OR7G1: variants seen among roughly 807,000 people sequenced by gnomAD.
OR7G1 encodes olfactory receptor 7G1.
For synonymous variants in OR7G1, 142 were observed against 138.5 expected, an observed-to-expected ratio of 1.02 and a Z score of -0.18; for missense variants, 385 against 365.6, an observed-to-expected ratio of 1.05 and a Z score of -0.43.
In OR7G1 at chr19:9,115,413, G is replaced by A; in HGVS notation, c.351C>T (p.Val117=). The A allele has an allele frequency of 6.2e-7, 1 of 1,614,168 alleles. No homozygotes were observed. The highest frequency in any genetic ancestry group is 8.5e-7 in the Non-Finnish European group (1 of 1,180,026). ...FAGLESCFLA[V]MAYDRYVAIC... ...TGGCCACATAGCGGTCGTAGGCCAT[G>A]ACTGCAAGAAAGCAACTTTCCAAGC... Residue 117 remains valine (V), a synonymous_variant, in exon 1 of 1, where the codon GTC becomes GTT. Transcript: ENST00000541538.
Position 9,115,461 on chromosome 19 carries a change from G to T in OR7G1, c.303C>A (p.Ile101=). 1.2e-6 allele frequency: 2 copies of T among 1,614,148 alleles called. No homozygotes were observed. Among genetic ancestry groups the T allele is most frequent in the South Asian group, 2.2e-5 (2 of 91,068 alleles). ...SITYTGCLTQ[I]CLVLVFAGLE... ...AGCCAGCAAAAACCAAGACAAGACA[G>T]ATCTGGGTGAGGCAGCCTGTGTAAG... The change falls in exon 1 of 1, where the codon ATC becomes ATA. Residue 101 remains isoleucine, a synonymous_variant. Transcript: ENST00000541538.
In OR7G1 at chr19:9,114,926, C is replaced by T. The variant is rs1455092871; in HGVS notation, c.838G>A (p.Val280Met). 1 of 1,613,398 alleles carries T rather than the reference C, an allele frequency of 6.2e-7. No individual in the cohort carries two copies. Among genetic ancestry groups the T allele is most frequent in the Middle Eastern group, 1.6e-4 (1 of 6,062 alleles). The change falls in exon 1 of 1, where the codon GTG becomes ATG. Residue 280 changes from valine to methionine, a missense_variant. Transcript: ENST00000541538. ...ITAVASVMYTVVPQMMNPFIY... is the reference protein window; with the variant it reads ...ITAVASVMYTMVPQMMNPFIY... ...AAGGGGTTCATCATTTGAGGGACCA[C>T]AGTGTACATCACTGAAGCCACAGCA...
chr19:9,115,419 A>C lies in OR7G1; in HGVS notation c.345T>G (p.Leu115=). ...CATAGCGGTCGTAGGCCATGACTGCAAGAAAGCAACTTTCCAAGCCAGCAA... is the reference window on the plus strand; with the variant it reads ...CATAGCGGTCGTAGGCCATGACTGCCAGAAAGCAACTTTCCAAGCCAGCAA... ...LVFAGLESCF[L]AVMAYDRYVA... Residue 115 remains leucine (L), a synonymous_variant, in exon 1 of 1, where the codon CTT becomes CTG. Coordinates refer to ENST00000541538, the MANE Select transcript of OR7G1 (RefSeq NM_001005192.2). The C allele has an allele frequency of 6.2e-7, 1 of 1,614,214 alleles. No individual in the cohort carries two copies. The highest frequency in any genetic ancestry group is 8.5e-7 in the Non-Finnish European group (1 of 1,180,042).
At chr19:9,115,749 GTTTCTGGGTCCCATGT>G (rs932959145) in exon 1 of OR7G1, 5 of 1,532,490 alleles carry the variant, frequency 3.3e-6, no homozygotes, top group Non-Finnish European at 4.4e-6. Context: ...CAGCTGTTTG[GTTTCTGGGTCCCATGT>G]TTTTGATGAT....
Position 9,115,103 on chromosome 19 carries a change from T to C in OR7G1, c.661A>G (p.Ile221Val), listed in dbSNP as rs1392191094. Residue 221 changes from isoleucine to valine, a missense_variant, in exon 1 of 1, where the codon ATA (isoleucine) becomes GTA (valine). Ile to Val is a conservative substitution (Grantham distance 29). Transcript: ENST00000541538. ...GGCATTCTCAGAACAGAGGTGACTA[T>C]TTGAGAATAAGAGAAAATTATTCCA... ...LSGIIFSYSQ[I>V]VTSVLRMPSA... 1.5e-5 allele frequency: 24 copies of C among 1,614,126 alleles called. 1 individual carries two copies. The East Asian group carries it at 4.5e-4, about 30-fold the overall frequency.
Position 9,115,483 on chromosome 19 carries a change from TAA to T in OR7G1, c.279_280del (p.Tyr94HisfsTer79), listed in dbSNP as rs151211604. 9,753 of 1,614,184 alleles carry T rather than the reference TAA, an allele frequency of 6.0e-3. 279 individuals are homozygous for T. Among genetic ancestry groups the T allele is most frequent in the South Asian group, 0.056 (5,106 of 91,080 alleles). On this transcript the variant is annotated frameshift_variant, in exon 1 of 1. Coordinates refer to ENST00000541538, the MANE Select transcript of OR7G1 (RefSeq NM_001005192.2). LOFTEE classifies it low-confidence loss of function (END_TRUNC). ...ACAGATCTGGGTGAGGCAGCCTGTGTAAGTGATACTCTGATTCTGAGCTTGGA... is the reference window on the plus strand; with the variant it reads ...ACAGATCTGGGTGAGGCAGCCTGTGTGTGATACTCTGATTCTGAGCTTGGA...
rs763097735 is a variant in OR7G1, at chr19:9,114,994, C to G, written c.770G>C (p.Gly257Ala). 5 of 1,614,082 alleles carry G rather than the reference C, an allele frequency of 3.1e-6. No individual in the cohort carries two copies. In the South Asian group the frequency reaches 5.5e-5, roughly 18 times the overall value. ...AGCAACAGCAGAACTAATGTACACC[C>G]CAAAAGCTGTCCCATAGAACAAGGA... is the stretch of plus-strand genomic sequence containing the variant. ...VFSLFYGTAF[G>A]VYISSAVAES... The change falls in exon 1 of 1, where the codon GGG (glycine) becomes GCG (alanine). Residue 257 changes from glycine (G) to alanine (A), a missense_variant. Physicochemically the swap from Gly to Ala is moderately conservative, Grantham distance 60. Coordinates refer to ENST00000541538, the MANE Select transcript of OR7G1 (RefSeq NM_001005192.2).
Position 9,115,544 on chromosome 19 carries a change from T to A in OR7G1, c.220A>T (p.Thr74Ser), listed in dbSNP as rs1247386110. 4 of 1,614,102 alleles carry A rather than the reference T, an allele frequency of 2.5e-6. No homozygotes were observed. The highest frequency in any genetic ancestry group is 3.4e-6 in the Non-Finnish European group (4 of 1,180,002). The change falls in exon 1 of 1, where the codon ACC (threonine) becomes TCC (serine). Residue 74 changes from threonine to serine, a missense_variant. Coordinates refer to ENST00000541538, the MANE Select transcript of OR7G1 (RefSeq NM_001005192.2). ...FNLSFTDICL[T>S]TTTVPKILVN... ...AGGATCTTTGGGACTGTGGTTGTGG[T>A]TAAACAGATGTCAGTAAAGGAGAGA...
rs201358548 is a variant in OR7G1, at chr19:9,114,919, G to C, written c.845C>G (p.Pro282Arg). ...AVASVMYTVV[P>R]QMMNPFIYSL... ...GTAGATGAAGGGGTTCATCATTTGA[G>C]GGACCACAGTGTACATCACTGAAGC... Residue 282 changes from proline (P) to arginine (R), a missense_variant, in exon 1 of 1, where the codon CCT becomes CGT. By Grantham distance (103) the Pro-to-Arg change is moderately radical. Transcript: ENST00000541538. 4.3e-4 allele frequency: 694 copies of C among 1,613,266 alleles called. No homozygotes were observed. The highest frequency in any genetic ancestry group is 5.5e-4 in the Non-Finnish European group (653 of 1,179,410).
In OR7G1 at chr19:9,115,228, C is replaced by T; in HGVS notation, c.536G>A (p.Cys179Tyr). The change falls in exon 1 of 1, where the codon TGT (cysteine) becomes TAT (tyrosine). Residue 179 changes from cysteine to tyrosine, a missense_variant. By Grantham distance (194) the Cys-to-Tyr change is radical. Transcript: ENST00000541538. ...CKNVEIPLFF[C>Y]EVVQVIKLAC... ...GAGCTTGATGACCTGAACGACTTCA[C>T]AGAAGAACAAAGGGATTTCAACGTT... 6.2e-7 allele frequency: 1 copy of T among 1,614,088 alleles called. No individual in the cohort carries two copies. The highest frequency in any genetic ancestry group is 8.5e-7 in the Non-Finnish European group (1 of 1,180,018).
rs760240650 is a variant in OR7G1 at position 9,115,484 on chromosome 19, A to G, written c.280T>C (p.Tyr94His). 3.1e-6 allele frequency: 5 copies of G among 1,595,150 alleles called. No individual in the cohort carries two copies. Among genetic ancestry groups the G allele is most frequent in the Non-Finnish European group, 4.2e-6 (5 of 1,179,650 alleles). ...CAGATCTGGGTGAGGCAGCCTGTGT[A>G]AGTGATACTCTGATTCTGAGCTTGG... ...NIQAQNQSITYTGCLTQICLV... is the reference protein window; with the variant it reads ...NIQAQNQSITHTGCLTQICLV... The change falls in exon 1 of 1, where the codon TAC becomes CAC. Residue 94 changes from tyrosine (Y) to histidine (H), a missense_variant. By Grantham distance (83) the Tyr-to-His change is moderately conservative. Coordinates refer to ENST00000541538, the MANE Select transcript of OR7G1 (RefSeq NM_001005192.2).
In OR7G1 at chr19:9,115,665, G is replaced by T; in HGVS notation, c.99C>A (p.Ser33=). ...LKLIPFSLFL[S]MYLVTILGNL... ...TCCCCAGGATGGTGACCAGGTACATGGACAGGAACAGGCTGAAAGGGATTA... is the reference window on the plus strand; with the variant it reads ...TCCCCAGGATGGTGACCAGGTACATTGACAGGAACAGGCTGAAAGGGATTA... Residue 33 remains serine (S), a synonymous_variant, in exon 1 of 1, where the codon TCC becomes TCA. Coordinates refer to ENST00000541538, the MANE Select transcript of OR7G1 (RefSeq NM_001005192.2). The T allele has an allele frequency of 6.2e-7, 1 of 1,613,654 alleles. No individual in the cohort carries two copies. Among genetic ancestry groups the T allele is most frequent in the Non-Finnish European group, 8.5e-7 (1 of 1,179,724 alleles).
rs774552196 is a variant in OR7G1, at chr19:9,115,586, A to G, written c.178T>C (p.Tyr60His). Reference protein sequence around the residue: ...ISDSHLHTPMYFLLFNLSFTD... With the variant: ...ISDSHLHTPMHFLLFNLSFTD... ...AAGGAGAGATTAAAGAGAAGGAAGT[A>G]CATGGGGGTGTGGAGGTGGGAGTCA... Residue 60 changes from tyrosine (Y) to histidine (H), a missense_variant, in exon 1 of 1, where the codon TAC becomes CAC. Coordinates refer to ENST00000541538, the MANE Select transcript of OR7G1 (RefSeq NM_001005192.2). The G allele has an allele frequency of 1.2e-6, 2 of 1,614,180 alleles. No homozygotes were observed.
chr19:9,115,674 C>G lies in OR7G1; in HGVS notation c.90G>C (p.Leu30=). 6.2e-7 allele frequency: 1 copy of G among 1,613,340 alleles called. No individual in the cohort carries two copies. ...TGGTGACCAGGTACATGGACAGGAA[C>G]AGGCTGAAAGGGATTAACTTCAGTT... The part of the protein sequence containing the change: ...DPELKLIPFS[L]FLSMYLVTIL... The change falls in exon 1 of 1, where the codon CTG becomes CTC. Residue 30 remains leucine (L), a synonymous_variant. Transcript: ENST00000541538.
Position 9,115,155 on chromosome 19 carries a change from A to C in OR7G1, c.609T>G (p.Ser203Arg). The change falls in exon 1 of 1, where the codon AGT becomes AGG. Residue 203 changes from serine to arginine, a missense_variant. Coordinates refer to ENST00000541538, the MANE Select transcript of OR7G1 (RefSeq NM_001005192.2). ...LINNILIYFA[S>R]SVFGAIPLSG... is the part of the protein sequence containing the mutation. The stretch of plus-strand genomic sequence containing the variant: ...AGAGAGGAATTGCACCAAATACACT[A>C]CTTGCAAAATATATGAGGATGTTGT... The C allele has an allele frequency of 3.7e-6, 6 of 1,613,930 alleles. No homozygotes were observed. Among genetic ancestry groups the C allele is most frequent in the Non-Finnish European group, 5.1e-6 (6 of 1,179,782 alleles).
rs370041385 is a variant in OR7G1, at chr19:9,115,677, G to T, written c.87C>A (p.Ser29Arg). 90 of 1,611,376 alleles carry T rather than the reference G, an allele frequency of 5.6e-5. No individual in the cohort carries two copies. Among genetic ancestry groups the T allele is most frequent in the Admixed American group, 1.7e-4 (10 of 59,686 alleles). Reference sequence around the variant, plus strand: ...TGACCAGGTACATGGACAGGAACAGGCTGAAAGGGATTAACTTCAGTTCTG... The same window carrying T: ...TGACCAGGTACATGGACAGGAACAGTCTGAAAGGGATTAACTTCAGTTCTG... ...EDPELKLIPFSLFLSMYLVTI... is the reference protein window; with the variant it reads ...EDPELKLIPFRLFLSMYLVTI... Residue 29 changes from serine (S) to arginine (R), a missense_variant, in exon 1 of 1, where the codon AGC (serine) becomes AGA (arginine). Transcript: ENST00000541538.
At position 9,115,581 on chromosome 19, in the gene OR7G1, G is replaced by A. The variant is rs140228830; in HGVS notation, c.183C>T (p.Phe61=). The A allele has an allele frequency of 1.9e-6, 3 of 1,614,032 alleles. No homozygotes were observed. The highest frequency in any genetic ancestry group is 2.5e-6 in the Non-Finnish European group (3 of 1,180,032). The change falls in exon 1 of 1, where the codon TTC becomes TTT. Residue 61 remains phenylalanine (F), a synonymous_variant. Transcript: ENST00000541538. ...SDSHLHTPMY[F]LLFNLSFTDI... ...CAGTAAAGGAGAGATTAAAGAGAAG[G>A]AAGTACATGGGGGTGTGGAGGTGGG...
At position 9,115,055 on chromosome 19, in the gene OR7G1, C is replaced by T. The variant is rs1298068319; in HGVS notation, c.709G>A (p.Ala237Thr). 4 of 1,613,930 alleles carry T rather than the reference C, an allele frequency of 2.5e-6. No homozygotes were observed. Among genetic ancestry groups the T allele is most frequent in the East Asian group, 2.2e-5 (1 of 44,896 alleles). The change falls in exon 1 of 1, where the codon GCG (alanine) becomes ACG (threonine). Residue 237 changes from alanine (A) to threonine (T), a missense_variant. Transcript: ENST00000541538. ...RMPSARGKYK[A>T]FSTCGCHLSV... ...AGGTGACAGCCACAGGTGGAAAACG[C>T]TTTATACTTTCCTCTTGCTGATGGC...
In OR7G1 at chr19:9,114,923, C is replaced by A; in HGVS notation, c.841G>T (p.Val281Phe). The A allele has an allele frequency of 1.2e-6, 2 of 1,613,730 alleles. No individual in the cohort carries two copies. Among genetic ancestry groups the A allele is most frequent in the Non-Finnish European group, 1.7e-6 (2 of 1,179,712 alleles). The change falls in exon 1 of 1, where the codon GTC (valine) becomes TTC (phenylalanine). Residue 281 changes from valine to phenylalanine, a missense_variant. Val to Phe is a conservative substitution (Grantham distance 50). Transcript: ENST00000541538. ...TAVASVMYTV[V>F]PQMMNPFIYS... Reference sequence around the variant, plus strand: ...ATGAAGGGGTTCATCATTTGAGGGACCACAGTGTACATCACTGAAGCCACA... The same window carrying A: ...ATGAAGGGGTTCATCATTTGAGGGAACACAGTGTACATCACTGAAGCCACA...
Sources: allele counts gnomAD v4.1 joint callset, GRCh38; gene constraint gnomAD v4.1.1; transcripts MANE v1.5; gene names NCBI Gene and HGNC (gene_info 2026-07-23, HGNC 2026-07-21).